The following DUS2 variants were observed in gnomAD, a reference collection of about 807,000 sequenced individuals.
The protein encoded by DUS2 is tRNA-dihydrouridine(20) synthase [NAD(P)+]-like.
DUS2 carries 52 observed loss-of-function variants against 71.3 expected under a neutral mutation model. The ratio of observed to expected loss-of-function variants is 0.73; its 90% CI spans 0.58 to 0.92. DUS2 has a LOEUF of 0.92. DUS2 is among the 40% of genes least tolerant of loss of function. DUS2 has a pLI of 0.00. For missense variants in DUS2, 558 were observed against 622.6 expected (o/e 0.90, Z 1.10); for synonymous variants, 204 against 227.8 (o/e 0.90, Z 0.94).
At chr16:68,042,553 G>A (rs2033646470) in intron 3 of DUS2, among the ~76,000 whole-genome samples, 1 of 152,098 alleles carries the variant, frequency 6.6e-6, no homozygotes, top group Non-Finnish European at 1.5e-5. Flanking sequence ...TTGAGACAGA[G>A]TCTTATCCTG....
At chr16:68,073,947 C>T in intron 12 of DUS2, 87 bp from the exon 13 acceptor site, 1 of 1,558,460 alleles carries the variant, frequency 6.4e-7, no homozygotes, top group African/African-American at 1.4e-5. Flanking sequence ...TCTCTGGTGC[C>T]TTCTTGGAGC....
intron 12 of DUS2, among the ~76,000 whole-genome samples, chr16:68,071,838 T>C (rs2034091308): frequency 6.6e-6 from 1 of 152,190 alleles, no homozygotes. Flanking sequence ...GAGGTCTCCC[T>C]ATGTTGCCCA....
chr16:68,052,911 A>G lies in DUS2; in HGVS notation c.173-653A>G, dbSNP rs1029155286. ...ACCTGCCTTGGCCTTCCAAAGTCCT[A>G]GGATTACAAGCGTGAGCCACTGCGC... On this transcript the variant is annotated intron_variant, in intron 4 of 16. Transcript: ENST00000565263. 3.2e-4 allele frequency among the ~76,000 whole-genome samples: 49 copies of G among 151,326 alleles called. 1 individual carries two copies. Among genetic ancestry groups the G allele is most frequent in the Non-Finnish European group, 1.5e-5 (1 of 67,958 alleles).
intron 2 of DUS2, among the ~76,000 whole-genome samples, chr16:68,027,426 C>T (rs2033367612): frequency 6.6e-6 from 1 of 152,054 alleles, no homozygotes; most frequent in Non-Finnish European, 1.5e-5. Flanking sequence ...TTAGTAGAGA[C>T]GTGGTTTCTC....
At chr16:68,037,777 A>G (rs958606107) in intron 2 of DUS2, 3 of 299,288 alleles carry the variant, frequency 1.0e-5, no homozygotes, top group Non-Finnish European at 1.9e-5. Flanking sequence ...GCAGACGCCC[A>G]TAATCCCAGT....
chr16:68,030,529 T>A (rs2033421733), intron 2 of DUS2, among the ~76,000 whole-genome samples: 1 of 152,082 alleles, frequency 6.6e-6, no homozygotes, highest in Non-Finnish European at 1.5e-5. Flanking sequence ...AGGTGGAGAT[T>A]GCAGTGAGCC....
At position 68,070,246 on chromosome 16, in the gene DUS2, C is replaced by T. The variant is rs8061788; in HGVS notation, c.641+26C>T. On this transcript the variant is annotated intron_variant, in intron 11 of 16. Transcript: ENST00000565263. ...GTAAGCCTCCTGTCTTCATCATGTA[C>T]TCTGTGTCCCACAGAGCTAAGGGCT... 0.013 allele frequency: 21,323 copies of T among 1,605,064 alleles called. 1,104 individuals carry two copies. In the African/African-American group the frequency reaches 0.16, roughly 12 times the overall value.
intron 3 of DUS2, among the ~76,000 whole-genome samples, chr16:68,040,100 T>C (rs1301106950): frequency 6.6e-6 from 1 of 151,818 alleles, no homozygotes; most frequent in Non-Finnish European, 1.5e-5. Context: ...TTTTTTTTTT[T>C]TAAGACAGTG....
intron 9 of DUS2, 53 bp from the exon 10 acceptor site, chr16:68,066,513 C>A: frequency 6.2e-7 from 1 of 1,602,002 alleles, no homozygotes; most frequent in Non-Finnish European, 8.6e-7. Context: ...TAGGAGGCAG[C>A]AGCTGCTCCT....
rs376061836 is a variant in DUS2 at position 68,070,239 on chromosome 16, T to C, written c.641+19T>C. The C allele has an allele frequency of 5.0e-6, 8 of 1,609,482 alleles. No individual in the cohort carries two copies. Reference sequence around the variant, plus strand: ...TAGCCAAGTAAGCCTCCTGTCTTCATCATGTACTCTGTGTCCCACAGAGCT... The same window carrying C: ...TAGCCAAGTAAGCCTCCTGTCTTCACCATGTACTCTGTGTCCCACAGAGCT... On this transcript the variant is annotated intron_variant, in intron 11 of 16. Transcript: ENST00000565263.
chr16:68,060,603 C>T (rs2033925504), intron 7 of DUS2, among the ~76,000 whole-genome samples: 2 of 152,182 alleles, frequency 1.3e-5, no homozygotes, highest in South Asian at 4.1e-4. Context: ...CGTGAGCCAC[C>T]ACGCCCAGCC....
chr16:68,040,828 C>CG (rs970807047), intron 3 of DUS2, among the ~76,000 whole-genome samples: 6 of 107,946 alleles, frequency 5.6e-5, no homozygotes, highest in South Asian at 3.3e-4. Context: ...CTGGGGGTGG[C>CG]GGGGGGGAGT....
rs534598897 is a variant in DUS2, at chr16:68,055,579, C to T, written c.309-785C>T. 1.8e-4 allele frequency among the ~76,000 whole-genome samples: 28 copies of T among 152,230 alleles called. 1 individual carries two copies. Among genetic ancestry groups the T allele is most frequent in the Admixed American group, 1.6e-3 (25 of 15,288 alleles). ...GTGTGACCTGAGATAAGTTGCTTAA[C>T]CTCAATGAGAACCTAGTTTTCTCAC... On this transcript the variant is annotated intron_variant, in intron 6 of 16. Coordinates refer to ENST00000565263, the MANE Select transcript of DUS2 (RefSeq NM_017803.5).
At chr16:68,049,400 G>A in intron 3 of DUS2, 105 bp from the exon 4 acceptor site, 1 of 1,193,962 alleles carries the variant, frequency 8.4e-7, no homozygotes, top group Non-Finnish European at 1.2e-6. Context: ...GTTCTTGGTA[G>A]TAGGGCGACT....
intron 3 of DUS2, among the ~76,000 whole-genome samples, chr16:68,042,844 G>A (rs1306017069): frequency 6.6e-6 from 1 of 152,020 alleles, no homozygotes; most frequent in East Asian, 1.9e-4. Context: ...GAGTAGCTGG[G>A]ATTACAGGCA....
chr16:68,076,815 A>G, intron 15 of DUS2, 96 bp downstream of exon 15: 1 of 1,072,038 alleles, frequency 9.3e-7, no homozygotes, highest in Non-Finnish European at 1.4e-6. Flanking sequence ...CCTGGCCTTG[A>G]CCTCTGTAGG....
chr16:68,056,468 T>G (rs1304862203), intron 7 of DUS2, 44 bp downstream of exon 7: 1 of 1,521,150 alleles, frequency 6.6e-7, no homozygotes, highest in African/African-American at 1.4e-5. Context: ...AGGATGCAGA[T>G]TAAGAGGCTG....
chr16:68,069,633 G>A (rs1029070537), intron 10 of DUS2, among the ~76,000 whole-genome samples: 5 of 152,166 alleles, frequency 3.3e-5, no homozygotes, highest in Non-Finnish European at 7.4e-5. Flanking sequence ...TCCTGGGTGC[G>A]GGGCCTACCC....
intron 16 of DUS2, 99 bp from the exon 17 acceptor site, chr16:68,078,650 C>A (rs1334809632): frequency 3.4e-6 from 5 of 1,484,444 alleles, no homozygotes; most frequent in African/African-American, 1.4e-5. Flanking sequence ...TGGATGGTGA[C>A]CCCTTACTCA....
Sources: allele counts gnomAD v4.1 joint callset (sites outside exome capture counted in the v4.1 genomes callset), GRCh38; gene constraint gnomAD v4.1.1; transcripts MANE v1.5; gene names NCBI Gene and HGNC (gene_info 2026-07-23, HGNC 2026-07-21).